The following FAM171A1 variants were observed in gnomAD, a reference collection of about 807,000 sequenced individuals.
FAM171A1 encodes the protein family with sequence similarity 171 member A1.
Under a neutral mutation model 74.9 loss-of-function variants are expected in FAM171A1, and 23 were observed. The observed-to-expected ratio is 0.31, with a 90% CI of 0.22 to 0.44. FAM171A1 has a LOEUF of 0.44. Ranked by LOEUF, FAM171A1 falls within the 20% of genes least tolerant of loss-of-function variation. The pLI is 1.00. For synonymous variants in FAM171A1, 527 were observed against 505.7 expected (o/e 1.04, Z -0.57); for missense variants, 1,162 against 1,159.2 (o/e 1.00, Z -0.03).
intron 1 of FAM171A1, among the ~76,000 whole-genome samples, chr10:15,286,847 T>G (rs1417523867): frequency 6.6e-6 from 1 of 152,212 alleles, no homozygotes; most frequent in Non-Finnish European, 1.5e-5. Context: ...ATCATTCACC[T>G]GCCTTTGAGG....
At chr10:15,314,996 G>A (rs891859927) in intron 1 of FAM171A1, among the ~76,000 whole-genome samples, 3 of 152,200 alleles carry the variant, frequency 2.0e-5, no homozygotes, top group African/African-American at 7.2e-5. Flanking sequence ...TACGATCTCA[G>A]ACTCCAGTTT....
At chr10:15,365,729 C>A (rs1295472870) in intron 1 of FAM171A1, among the ~76,000 whole-genome samples, 2 of 150,340 alleles carry the variant, frequency 1.3e-5, no homozygotes, top group Non-Finnish European at 2.9e-5. Flanking sequence ...GAGATTGCAC[C>A]ACTGCACTCC....
intron 5 of FAM171A1, among the ~76,000 whole-genome samples, chr10:15,238,085 A>T (rs894794058): frequency 2.6e-5 from 4 of 152,194 alleles, no homozygotes; most frequent in African/African-American, 9.7e-5. Context: ...CTACGCACAG[A>T]CTTGGTAAAG....
At chr10:15,292,114 G>T (rs772549358) in intron 1 of FAM171A1, among the ~76,000 whole-genome samples, 1 of 152,098 alleles carries the variant, frequency 6.6e-6, no homozygotes, top group Non-Finnish European at 1.5e-5. Flanking sequence ...GCATCCTCAC[G>T]TGGTGGAAGG....
intron 1 of FAM171A1, among the ~76,000 whole-genome samples, chr10:15,337,736 A>C (rs1835720454): frequency 6.6e-6 from 1 of 152,002 alleles, no homozygotes; most frequent in South Asian, 2.1e-4. Flanking sequence ...ATCACTTGAG[A>C]TCGGGAATTT....
intron 3 of FAM171A1, among the ~76,000 whole-genome samples, chr10:15,258,212 C>G (rs1028677907): frequency 1.8e-4 from 27 of 152,054 alleles, no homozygotes; most frequent in Admixed American, 6.6e-4. Context: ...AAGTGCCCAC[C>G]ACCACACCTG....
chr10:15,337,046 T>TA (rs368250882), intron 1 of FAM171A1, among the ~76,000 whole-genome samples: 13,433 of 145,124 alleles, frequency 0.093, 1,144 homozygotes, highest in African/African-American at 0.23. Flanking sequence ...AGTTGGCTAT[T>TA]TTTTTTTTTT....
chr10:15,273,510 G>A (rs1834854427), intron 3 of FAM171A1, among the ~76,000 whole-genome samples: 1 of 152,182 alleles, frequency 6.6e-6, no homozygotes, highest in South Asian at 2.1e-4. Flanking sequence ...CCAATCAATA[G>A]AAAAAGAGGG....
At chr10:15,357,651 A>G (rs1835949065) in intron 1 of FAM171A1, among the ~76,000 whole-genome samples, 2 of 152,238 alleles carry the variant, frequency 1.3e-5, no homozygotes, top group South Asian at 4.1e-4. Flanking sequence ...AACACTAATT[A>G]ATGAGATACA....
intron 1 of FAM171A1, among the ~76,000 whole-genome samples, chr10:15,362,908 A>G (rs1278094190): frequency 1.3e-5 from 2 of 152,146 alleles, no homozygotes; most frequent in Non-Finnish European, 2.9e-5. Context: ...AGGATTGTAA[A>G]CTTTCCGAGG....
At chr10:15,248,300 A>C (rs1241878774) in intron 5 of FAM171A1, among the ~76,000 whole-genome samples, 2 of 152,338 alleles carry the variant, frequency 1.3e-5, no homozygotes, top group Admixed American at 6.5e-5. Context: ...AATACCACAC[A>C]TGACCAAGAG....
chr10:15,328,736 A>C (rs1182993004), intron 1 of FAM171A1, among the ~76,000 whole-genome samples: 1 of 151,964 alleles, frequency 6.6e-6, no homozygotes, highest in Non-Finnish European at 1.5e-5. Context: ...GGATCTGGCA[A>C]CCTCATGTTC....
chr10:15,226,968 G>A (rs528476124), intron 5 of FAM171A1, among the ~76,000 whole-genome samples: 11 of 152,260 alleles, frequency 7.2e-5, no homozygotes, highest in African/African-American at 2.4e-4. Flanking sequence ...GCAGTGTGAG[G>A]GACAGGAGGA....
intron 1 of FAM171A1, among the ~76,000 whole-genome samples, chr10:15,335,471 G>C (rs1013074425): frequency 6.6e-6 from 1 of 152,112 alleles, no homozygotes; most frequent in Non-Finnish European, 1.5e-5. Flanking sequence ...AGGTTTTCTG[G>C]TATTAAATAA....
chr10:15,213,196 C>T lies in FAM171A1; in HGVS notation c.2392G>A (p.Gly798Ser), dbSNP rs1171506598. Residue 798 changes from glycine (G) to serine (S), a missense_variant, in exon 8 of 8, where the codon GGT becomes AGT. Transcript: ENST00000378116. This position sits in a 1 kb window ranked among gnomAD's most constrained non-coding sequence, Gnocchi z 6.8. Reference sequence around the variant, plus strand: ...CAGACCGTGGTCCCACATTCGCTACCACTCTGTTCCACGTCATCCAGGTAC... The same window carrying T: ...CAGACCGTGGTCCCACATTCGCTACTACTCTGTTCCACGTCATCCAGGTAC... Reference protein sequence around the residue: ...LVYLDDVEQSGSECGTTVCTP... With the variant: ...LVYLDDVEQSSSECGTTVCTP... The T allele has an allele frequency of 6.2e-7, 1 of 1,614,128 alleles. No individual in the cohort carries two copies. Among genetic ancestry groups the T allele is most frequent in the African/African-American group, 1.3e-5 (1 of 75,044 alleles).
At chr10:15,326,368 G>A (rs1286225308) in intron 1 of FAM171A1, among the ~76,000 whole-genome samples, 1 of 152,002 alleles carries the variant, frequency 6.6e-6, no homozygotes, top group African/African-American at 2.4e-5. Flanking sequence ...AGGCTGGAGT[G>A]CAGTGGCATG....
At chr10:15,348,186 C>T (rs1588565576) in intron 1 of FAM171A1, among the ~76,000 whole-genome samples, 5 of 152,210 alleles carry the variant, frequency 3.3e-5, no homozygotes, top group Admixed American at 3.3e-4. Context: ...ACCATGTTGG[C>T]CAGGCTCATC....
intron 7 of FAM171A1, 84 bp downstream of exon 7, chr10:15,215,912 C>A: frequency 3.2e-5 from 24 of 756,898 alleles, no homozygotes; most frequent in South Asian, 1.2e-4. Flanking sequence ...AAAAAAAACC[C>A]ACCTCCATAT....
At chr10:15,331,755 G>GTA (rs1393848277) in intron 1 of FAM171A1, among the ~76,000 whole-genome samples, 6 of 148,694 alleles carry the variant, frequency 4.0e-5, no homozygotes, top group African/African-American at 7.4e-5. Context: ...GTGTGTGTAT[G>GTA]TATATATATA....
Sources: gnomAD v4.1 joint callset for allele counts (sites outside exome capture counted in the v4.1 genomes callset) on GRCh38, gnomAD v4.1.1 for gene constraint, Gnocchi (gnomAD v3.1) non-coding constraint, MANE v1.5 for transcripts, NCBI Gene and HGNC (gene_info 2026-07-23, HGNC 2026-07-21) for gene names.